Variants in OSBPL3 observed in about 807,000 individuals in gnomAD.
OSBPL3 encodes oxysterol binding protein like 3.
Under a neutral mutation model 120.1 loss-of-function variants are expected in OSBPL3, and 65 were observed. The ratio of observed to expected loss-of-function variants is 0.54; its 90% CI spans 0.44 to 0.67. OSBPL3 has a LOEUF of 0.67. Ranked by LOEUF, OSBPL3 falls within the 30% of genes least tolerant of loss-of-function variation. The pLI, the probability that OSBPL3 is intolerant of heterozygous loss-of-function variation, is 0.00. For synonymous variants in OSBPL3, 416 were observed against 402.6 expected, an observed-to-expected ratio of 1.03 and a Z score of -0.40; for missense variants, 1,004 against 1,082.1, an observed-to-expected ratio of 0.93 and a Z score of 1.01.
intron 13 of OSBPL3, 84 bp from the exon 14 acceptor site, chr7:24,840,867 A>G: frequency 1.5e-6 from 1 of 658,716 alleles, no homozygotes; most frequent in East Asian, 2.9e-5. Context: ...TAAATGATCA[A>G]ACATGTTGAG....
chr7:24,845,063 G>A (rs941806932), intron 12 of OSBPL3, among the ~76,000 whole-genome samples: 1 of 151,922 alleles, frequency 6.6e-6, no homozygotes, highest in African/African-American at 2.4e-5. Flanking sequence ...GTCTTTGCTT[G>A]TATCATGTTA....
Position 24,862,676 on chromosome 7 carries a change from T to C in OSBPL3, c.870+524A>G, listed in dbSNP as rs893871486. Among the ~76,000 whole-genome samples the C allele has an allele frequency of 6.6e-6, 1 of 152,148 alleles. No homozygotes were observed. The highest frequency in any genetic ancestry group is 1.5e-5 in the Non-Finnish European group (1 of 68,004). ...TCTTGGCCTGTGGCTTAGCTGTGCA[T>C]TGGGAAAGCTCCTAGCATGACACAG... On this transcript the variant is annotated intron_variant, in intron 9 of 22. Transcript: ENST00000313367. The surrounding 1 kb of genome is among the most constrained non-coding windows in gnomAD (Gnocchi z 4.4).
intron 1 of OSBPL3, among the ~76,000 whole-genome samples, chr7:24,958,437 A>G (rs1815330983): frequency 6.6e-6 from 1 of 152,068 alleles, no homozygotes; most frequent in Non-Finnish European, 1.5e-5. Context: ...AACTACTCTG[A>G]GCCATTTGCT....
chr7:24,800,535 C>T (rs562604065), intron 22 of OSBPL3, among the ~76,000 whole-genome samples: 1 of 148,868 alleles, frequency 6.7e-6, no homozygotes, highest in Admixed American at 6.9e-5. Flanking sequence ...TGGCTCACTG[C>T]AACCTCTGCT....
intron 1 of OSBPL3, among the ~76,000 whole-genome samples, chr7:24,892,939 T>C (rs532818680): frequency 6.6e-6 from 1 of 152,352 alleles, no homozygotes; most frequent in African/African-American, 2.4e-5. Context: ...CTGTGATAGC[T>C]ATAATAATTT....
At chr7:24,868,425 T>C (rs954872233) in intron 5 of OSBPL3, among the ~76,000 whole-genome samples, 2 of 151,476 alleles carry the variant, frequency 1.3e-5, no homozygotes, top group African/African-American at 4.9e-5. Flanking sequence ...AGATAAATGA[T>C]AGATACCCAC....
In OSBPL3 at chr7:24,820,360, C is replaced by G; in HGVS notation, c.1885-122G>C. ...CAATGCTGAACTGAAGGAAAAACTT[C>G]TTTAGTTTCCCTCATCAAGTGTGTC... On this transcript the variant is annotated intron_variant, in intron 16 of 22. Transcript: ENST00000313367. The surrounding 1 kb of genome is among the most constrained non-coding windows in gnomAD (Gnocchi z 4.6). 1 of 672,298 alleles carries G rather than the reference C, an allele frequency of 1.5e-6. No homozygotes were observed. Among genetic ancestry groups the G allele is most frequent in the Middle Eastern group, 2.5e-4 (1 of 3,934 alleles). 41.6% of individuals were successfully genotyped at this position (672,298 alleles called of 1,614,324 possible).
rs1225455151 is a variant in OSBPL3, at chr7:24,899,169, G to T, written c.-149-6548C>A. On this transcript the variant is annotated intron_variant, in intron 1 of 22. Transcript: ENST00000313367. The surrounding 1 kb of genome is among the most constrained non-coding windows in gnomAD (Gnocchi z 4.0). ...CTTGTGATCCCAGATGTTCAACTTT[G>T]ATCACCCTTCAATTTGTGCTTCTCT... 6.6e-6 allele frequency among the ~76,000 whole-genome samples: 1 copy of T among 152,132 alleles called. No homozygotes were observed. Among genetic ancestry groups the T allele is most frequent in the African/African-American group, 2.4e-5 (1 of 41,414 alleles).
At chr7:24,826,604 C>T (rs559028576) in intron 16 of OSBPL3, among the ~76,000 whole-genome samples, 61 of 152,180 alleles carry the variant, frequency 4.0e-4, no homozygotes, top group Admixed American at 1.6e-3. Flanking sequence ...TGAGGGGCAC[C>T]GGGAAGCTCA....
At position 24,834,753 on chromosome 7, in the gene OSBPL3, C is replaced by A; in HGVS notation, c.1496-17G>T. The stretch of plus-strand genomic sequence containing the variant: ...GGACAGGCCCTGAAAGGGAAAGAGG[C>A]CTGGTTGTCTCTATAAAGCTTTTCA... On this transcript the variant is annotated splice_polypyrimidine_tract_variant and intron_variant, in intron 14 of 22. Transcript: ENST00000313367. The surrounding 1 kb of genome is among the most constrained non-coding windows in gnomAD (Gnocchi z 5.2). The A allele has an allele frequency of 6.4e-7, 1 of 1,574,164 alleles. No homozygotes were observed. Among genetic ancestry groups the A allele is most frequent in the Non-Finnish European group, 8.6e-7 (1 of 1,165,632 alleles).
chr7:24,893,436 G>A (rs1273017226), intron 1 of OSBPL3, among the ~76,000 whole-genome samples: 1 of 152,190 alleles, frequency 6.6e-6, no homozygotes, highest in Non-Finnish European at 1.5e-5. Context: ...CATAGAGACA[G>A]AAGGCCAATA....
Position 24,947,664 on chromosome 7 carries a change from T to C in OSBPL3, c.-150+32222A>G, listed in dbSNP as rs946637471. Among the ~76,000 whole-genome samples the C allele has an allele frequency of 5.9e-5, 9 of 152,292 alleles. No homozygotes were observed. The highest frequency in any genetic ancestry group is 1.0e-4 in the Non-Finnish European group (7 of 68,034). On this transcript the variant is annotated intron_variant, in intron 1 of 22. Coordinates refer to ENST00000313367, the MANE Select transcript of OSBPL3 (RefSeq NM_015550.4). The surrounding 1 kb of genome is among the most constrained non-coding windows in gnomAD (Gnocchi z 4.4). Reference sequence around the variant, plus strand: ...CTAGGAATCACTATTTCTGAGTAGATAGCACAGTATTTATTGAAATTTGAA... The same window carrying C: ...CTAGGAATCACTATTTCTGAGTAGACAGCACAGTATTTATTGAAATTTGAA...
chr7:24,874,644 A>G (rs1436982110), intron 2 of OSBPL3, among the ~76,000 whole-genome samples: 1 of 152,012 alleles, frequency 6.6e-6, no homozygotes, highest in African/African-American at 2.4e-5. Context: ...GTTGGCCCTT[A>G]ACATAAATAA....
chr7:24,931,863 T>G (rs1359226124), intron 1 of OSBPL3, among the ~76,000 whole-genome samples: 1 of 152,212 alleles, frequency 6.6e-6, no homozygotes, highest in Non-Finnish European at 1.5e-5. Flanking sequence ...AGACTGATAC[T>G]GTCTCAAATG....
intron 1 of OSBPL3, among the ~76,000 whole-genome samples, chr7:24,931,792 G>A (rs2128467374): frequency 6.6e-6 from 1 of 152,196 alleles, no homozygotes; most frequent in African/African-American, 2.4e-5. Context: ...GAAATAAAGA[G>A]AAGTATGAAA....
At chr7:24,954,562 T>C (rs1461854230) in intron 1 of OSBPL3, among the ~76,000 whole-genome samples, 1 of 151,816 alleles carries the variant, frequency 6.6e-6, no homozygotes, top group Non-Finnish European at 1.5e-5. Context: ...CCTGGTCAAT[T>C]CTCACACAAA....
chr7:24,935,070 C>A (rs1812242593), intron 1 of OSBPL3, among the ~76,000 whole-genome samples: 1 of 152,066 alleles, frequency 6.6e-6, no homozygotes, highest in African/African-American at 2.4e-5. Context: ...AGGAAAACAT[C>A]TCAATGCATA....
At chr7:24,882,734 C>A (rs1803893800) in intron 2 of OSBPL3, among the ~76,000 whole-genome samples, 1 of 152,186 alleles carries the variant, frequency 6.6e-6, no homozygotes, top group Admixed American at 6.5e-5. Flanking sequence ...TGCATCCTCA[C>A]CAACATGTTG....
At chr7:24,884,639 T>C (rs1206038229) in intron 2 of OSBPL3, among the ~76,000 whole-genome samples, 1 of 152,190 alleles carries the variant, frequency 6.6e-6, no homozygotes, top group Non-Finnish European at 1.5e-5. Flanking sequence ...AAAAGGCGAA[T>C]GTTTATTTGT....
Sources: gnomAD v4.1 joint callset for allele counts (sites outside exome capture counted in the v4.1 genomes callset) on GRCh38, gnomAD v4.1.1 for gene constraint, Gnocchi (gnomAD v3.1) non-coding constraint, MANE v1.5 for transcripts, NCBI Gene and HGNC (gene_info 2026-07-23, HGNC 2026-07-21) for gene names.